The following FRMPD3 variants were observed in gnomAD, a reference collection of about 807,000 sequenced individuals.
FRMPD3 encodes FERM and PDZ domain-containing protein 3.
FRMPD3 carries 42 observed loss-of-function variants against 97.9 expected under a neutral mutation model. The ratio of observed to expected loss-of-function variants is 0.43; its 90% CI spans 0.34 to 0.55. The LOEUF (loss-of-function observed/expected upper bound fraction) is 0.55, where lower values mean the gene tolerates loss of function less well. FRMPD3 is among the 20% of genes least tolerant of loss of function. The probability of loss-of-function intolerance (pLI) is 0.03; values close to 1 mark genes in which losing one functional copy is unlikely to be tolerated. For missense variants in FRMPD3, 1,303 were observed against 1,457.7 expected, an observed-to-expected ratio of 0.89 and a Z score of 1.73; for synonymous variants, 577 against 581.1, an observed-to-expected ratio of 0.99 and a Z score of 0.10.
chrX:107,602,520 T>C lies in FRMPD3; in HGVS notation c.4481T>C (p.Ile1494Thr). The C allele has an allele frequency of 8.3e-6, 10 of 1,211,464 alleles. No individual in the cohort carries two copies. The highest frequency in any genetic ancestry group is 1.1e-5 in the Non-Finnish European group (10 of 895,447). Residue 1494 changes from isoleucine to threonine, a missense_variant, in exon 15 of 15, where the codon ATC becomes ACC. Coordinates refer to ENST00000683843, the MANE Select transcript of FRMPD3 (RefSeq NM_001388459.1). ...EDSESSKCCS[I>T]RYCFYYRKCD... Reference sequence around the variant, plus strand: ...AGTGAGAGCAGCAAGTGCTGCTCCATCCGCTACTGCTTCTACTACCGCAAG... The same window carrying C: ...AGTGAGAGCAGCAAGTGCTGCTCCACCCGCTACTGCTTCTACTACCGCAAG...
chrX:107,503,086 C>T (rs1241349109), intron 1 of FRMPD3, among the ~76,000 whole-genome samples: 2 of 111,734 alleles, frequency 1.8e-5, no homozygotes, highest in Non-Finnish European at 3.8e-5. Context: ...CACATAGCTA[C>T]CACTGGGAGG....
intron 12 of FRMPD3, among the ~76,000 whole-genome samples, chrX:107,572,065 T>G (rs1481154490): frequency 8.9e-6 from 1 of 112,117 alleles, no homozygotes; most frequent in Non-Finnish European, 1.9e-5. Flanking sequence ...GGGTTATGTC[T>G]TATTTCCTGC....
intron 4 of FRMPD3, among the ~76,000 whole-genome samples, chrX:107,534,955 TG>T (rs1038611457): frequency 1.8e-5 from 2 of 112,217 alleles, no homozygotes; most frequent in African/African-American, 3.2e-5. Flanking sequence ...ACTCCATTGT[TG>T]TTACCAATAG....
chrX:107,580,718 G>A (rs1037691208), intron 13 of FRMPD3, among the ~76,000 whole-genome samples: 1 of 111,566 alleles, frequency 9.0e-6, no homozygotes, highest in Admixed American at 9.6e-5. Flanking sequence ...CTGGCTGATT[G>A]CTCCTCCGGA....
At position 107,602,774 on chromosome X, in the gene FRMPD3, G is replaced by T. The variant is rs2147659477; in HGVS notation, c.4735G>T (p.Ala1579Ser). ...TFEGSLAKINALRAHAYGLPD... is the reference protein window; with the variant it reads ...TFEGSLAKINSLRAHAYGLPD... ...CGAGGGGAGCCTGGCCAAGATCAAT[G>T]CCCTGCGGGCCCATGCCTATGGCCT... Residue 1579 changes from alanine (A) to serine (S), a missense_variant, in exon 15 of 15, where the codon GCC (alanine) becomes TCC (serine). This residue lies in a region of FRMPD3 where 764 missense variants were observed against 820.2 expected (regional missense o/e 0.93). Transcript: ENST00000683843. 1 of 1,209,714 alleles carries T rather than the reference G, an allele frequency of 8.3e-7. No homozygotes were observed. The highest frequency in any genetic ancestry group is 1.1e-6 in the Non-Finnish European group (1 of 894,959).
chrX:107,542,642 C>A (rs1261726133), intron 4 of FRMPD3, among the ~76,000 whole-genome samples: 1 of 112,285 alleles, frequency 8.9e-6, no homozygotes, highest in East Asian at 2.8e-4. Context: ...CTGACAGAGC[C>A]AGCTGGGACC....
At chrX:107,504,493 T>C (rs1220775387) in intron 1 of FRMPD3, among the ~76,000 whole-genome samples, 1 of 112,508 alleles carries the variant, frequency 8.9e-6, no homozygotes, top group Non-Finnish European at 1.9e-5. Flanking sequence ...GTGAATTTAC[T>C]TGGGGTAGGA....
intron 1 of FRMPD3, among the ~76,000 whole-genome samples, chrX:107,508,085 A>G (rs775575956): frequency 1.8e-5 from 2 of 112,306 alleles, no homozygotes; most frequent in East Asian, 5.6e-4. Context: ...ATTGAAGCAC[A>G]GAGAGGTCCA....
chrX:107,493,835 T>C (rs1480129485), intron 1 of FRMPD3, among the ~76,000 whole-genome samples: 1 of 111,641 alleles, frequency 9.0e-6, no homozygotes, highest in Non-Finnish European at 1.9e-5. Context: ...AAATGGAAAA[T>C]AGTCTTTGAT....
chrX:107,507,530 ACCCCTG>A (rs1922065461), intron 1 of FRMPD3, among the ~76,000 whole-genome samples: 1 of 110,289 alleles, frequency 9.1e-6, no homozygotes, highest in South Asian at 3.9e-4. Flanking sequence ...TGCCTCTCCC[ACCCCTG>A]CCCCTCAGCG....
At chrX:107,586,161 T>C (rs1343928652) in intron 13 of FRMPD3, among the ~76,000 whole-genome samples, 1 of 111,888 alleles carries the variant, frequency 8.9e-6, no homozygotes, top group Non-Finnish European at 1.9e-5. Context: ...TCTTCCTGGT[T>C]TAGTCTTGGG....
At chrX:107,550,535 A>T (rs1045851818) in intron 6 of FRMPD3, among the ~76,000 whole-genome samples, 1 of 112,648 alleles carries the variant, frequency 8.9e-6, no homozygotes, top group Middle Eastern at 4.6e-3. Flanking sequence ...GTTTATGCAC[A>T]GAAATAAACA....
At chrX:107,471,358 G>A (rs1030304301) in intron 1 of FRMPD3, among the ~76,000 whole-genome samples, 2 of 73,850 alleles carry the variant, frequency 2.7e-5, no homozygotes, top group Non-Finnish European at 4.9e-5. Flanking sequence ...AAAAAAAAAC[G>A]GGATACATGT....
intron 13 of FRMPD3, among the ~76,000 whole-genome samples, chrX:107,588,075 T>C (rs984701888): frequency 1.5e-4 from 17 of 111,602 alleles, no homozygotes; most frequent in African/African-American, 5.2e-4. Context: ...ACGCCCAGCC[T>C]GGCCCCCAGT....
intron 1 of FRMPD3, among the ~76,000 whole-genome samples, chrX:107,472,049 C>T (rs1465830084): frequency 8.9e-6 from 1 of 112,356 alleles, no homozygotes; most frequent in Non-Finnish European, 1.9e-5. Context: ...CTGTGATAAT[C>T]AGTGATGATG....
At chrX:107,531,048 A>G (rs939895886) in intron 3 of FRMPD3, among the ~76,000 whole-genome samples, 3 of 109,384 alleles carry the variant, frequency 2.7e-5, no homozygotes, top group Non-Finnish European at 3.8e-5. Context: ...TTGTGGGATT[A>G]CCACTGTTTG....
At chrX:107,549,477 G>T (rs755492588) in intron 5 of FRMPD3, among the ~76,000 whole-genome samples, 1 of 111,328 alleles carries the variant, frequency 9.0e-6, no homozygotes, top group African/African-American at 3.3e-5. Flanking sequence ...AATCATCAGA[G>T]GTATGGAGGT....
chrX:107,593,454 C>T (rs1207797894), intron 13 of FRMPD3, among the ~76,000 whole-genome samples: 1 of 111,894 alleles, frequency 8.9e-6, no homozygotes, highest in Non-Finnish European at 1.9e-5. Context: ...GGTTCCTGGT[C>T]ATGAAATCCT....
intron 4 of FRMPD3, among the ~76,000 whole-genome samples, chrX:107,535,341 T>C (rs919159068): frequency 1.8e-5 from 2 of 111,866 alleles, no homozygotes; most frequent in Non-Finnish European, 3.8e-5. Flanking sequence ...CATGTACTGT[T>C]ACCCTGTTTC....
Sources: allele counts gnomAD v4.1 joint callset (sites outside exome capture counted in the v4.1 genomes callset), GRCh38; gene constraint gnomAD v4.1.1; regional missense constraint gnomAD v4.1.1; transcripts MANE v1.5; gene names NCBI Gene and HGNC (gene_info 2026-07-23, HGNC 2026-07-21).